Variants in GFRA1 observed in about 807,000 individuals in gnomAD.
GFRA1 encodes GDNF family receptor alpha-1.
Under a neutral mutation model 51.6 loss-of-function variants are expected in GFRA1, and 16 were observed. The ratio of observed to expected loss-of-function variants is 0.31; its 90% CI spans 0.21 to 0.47. GFRA1 has a LOEUF of 0.47. Ranked by LOEUF, GFRA1 falls within the 20% of genes least tolerant of loss-of-function variation. The pLI, the probability that GFRA1 is intolerant of heterozygous loss-of-function variation, is 1.00. For missense variants in GFRA1, 530 were observed against 594.3 expected (o/e 0.89, Z 1.13); for synonymous variants, 270 against 241.3 (o/e 1.12, Z -1.10).
intron 4 of GFRA1, among the ~76,000 whole-genome samples, chr10:116,232,190 A>G (rs191717226): frequency 2.0e-5 from 3 of 152,180 alleles, no homozygotes; most frequent in Admixed American, 2.0e-4. Context: ...TAAAACAAAC[A>G]TGTTAAAAAT....
At chr10:116,234,678 G>A (rs74936547) in intron 4 of GFRA1, among the ~76,000 whole-genome samples, 1 of 152,114 alleles carries the variant, frequency 6.6e-6, no homozygotes. Context: ...AGGGCTACTG[G>A]ACAGAGCTCT....
At chr10:116,066,270 CTCACTAG>C (rs1955109000) in intron 9 of GFRA1, among the ~76,000 whole-genome samples, 1 of 152,184 alleles carries the variant, frequency 6.6e-6, no homozygotes, top group South Asian at 2.1e-4. Context: ...GAGGAAACCA[CTCACTAG>C]TCACTGTTTA....
chr10:116,219,806 A>C (rs4611119), intron 4 of GFRA1, among the ~76,000 whole-genome samples: 55,488 of 152,082 alleles, frequency 0.36, 11,022 homozygotes, highest in African/African-American at 0.52. Flanking sequence ...ATGACGTAAC[A>C]CTACTACTGG....
At chr10:116,108,478 C>T (rs1380555359) in intron 6 of GFRA1, among the ~76,000 whole-genome samples, 3 of 152,226 alleles carry the variant, frequency 2.0e-5, no homozygotes, top group Non-Finnish European at 4.4e-5. Flanking sequence ...GTCAACAGCA[C>T]CTCAGCCCCA....
intron 5 of GFRA1, among the ~76,000 whole-genome samples, chr10:116,209,044 C>T (rs1011222547): frequency 2.0e-5 from 3 of 152,118 alleles, no homozygotes; most frequent in Admixed American, 6.5e-5. Context: ...TAGAAAGGCC[C>T]AGCTGCAAGC....
intron 4 of GFRA1, among the ~76,000 whole-genome samples, chr10:116,225,542 A>G (rs1205062627): frequency 1.1e-4 from 16 of 148,618 alleles, no homozygotes; most frequent in Non-Finnish European, 1.2e-4. Flanking sequence ...TCCAAAAAAA[A>G]AAAAAAAAAA....
intron 4 of GFRA1, among the ~76,000 whole-genome samples, chr10:116,244,634 C>A (rs1967719220): frequency 6.6e-6 from 1 of 151,636 alleles, no homozygotes; most frequent in African/African-American, 2.4e-5. Flanking sequence ...GGATTAGTGA[C>A]TAGGAGGACA....
At chr10:116,205,214 G>A (rs1407474377) in intron 5 of GFRA1, among the ~76,000 whole-genome samples, 1 of 152,088 alleles carries the variant, frequency 6.6e-6, no homozygotes, top group African/African-American at 2.4e-5. Context: ...GGAAATGTGT[G>A]CAAAATACTT....
chr10:116,067,725 C>T (rs1484682683), intron 9 of GFRA1, among the ~76,000 whole-genome samples: 1 of 152,130 alleles, frequency 6.6e-6, no homozygotes, highest in Non-Finnish European at 1.5e-5. Flanking sequence ...GTGGACTCGG[C>T]CTGCATAGGT....
At chr10:116,141,773 G>A (rs995342801) in intron 5 of GFRA1, among the ~76,000 whole-genome samples, 1 of 152,054 alleles carries the variant, frequency 6.6e-6, no homozygotes, top group African/African-American at 2.4e-5. Flanking sequence ...TAGTACAGAC[G>A]GGGTTTTGCC....
At chr10:116,086,202 G>GA (rs1956093419) in intron 9 of GFRA1, among the ~76,000 whole-genome samples, 1 of 152,134 alleles carries the variant, frequency 6.6e-6, no homozygotes, top group Non-Finnish European at 1.5e-5. Context: ...AGAAGGTTTT[G>GA]AAAAATAAAA....
At chr10:116,075,328 T>C (rs1427911163) in intron 9 of GFRA1, among the ~76,000 whole-genome samples, 1 of 152,184 alleles carries the variant, frequency 6.6e-6, no homozygotes, top group African/African-American at 2.4e-5. Flanking sequence ...CAGATGAATT[T>C]TGGGGTAAAG....
intron 5 of GFRA1, among the ~76,000 whole-genome samples, chr10:116,199,498 C>T (rs1238860087): frequency 2.0e-5 from 3 of 152,208 alleles, no homozygotes; most frequent in African/African-American, 7.2e-5. Flanking sequence ...AACACTCATA[C>T]TCCTACCCCC....
At chr10:116,079,147 T>C (rs1486857694) in intron 9 of GFRA1, among the ~76,000 whole-genome samples, 1 of 151,998 alleles carries the variant, frequency 6.6e-6, no homozygotes, top group Non-Finnish European at 1.5e-5. Flanking sequence ...CTCTCCTCCA[T>C]GTGAGGATAC....
chr10:116,256,621 G>T lies in GFRA1; in HGVS notation c.418+12882C>A, dbSNP rs374312205. On this transcript the variant is annotated intron_variant, in intron 4 of 10. Coordinates refer to ENST00000355422, the MANE Select transcript of GFRA1 (RefSeq NM_005264.8). Reference sequence around the variant, plus strand: ...CTCCCCATCCTCTCCCCTCAAGCAGGTGCTCCCTGGGGTGAGTGGGCACTG... The same window carrying T: ...CTCCCCATCCTCTCCCCTCAAGCAGTTGCTCCCTGGGGTGAGTGGGCACTG... Among the ~76,000 whole-genome samples the T allele has an allele frequency of 2.1e-4, 32 of 152,234 alleles. 1 individual carries two copies. The South Asian group carries it at 3.9e-3, about 19-fold the overall frequency.
chr10:116,271,198 G>A, intron 2 of GFRA1, 83 bp from the exon 3 acceptor site: 1 of 1,239,430 alleles, frequency 8.1e-7, no homozygotes, highest in Non-Finnish European at 1.1e-6. Flanking sequence ...GCGCGCCCGG[G>A]TCAGGGATGC....
intron 6 of GFRA1, among the ~76,000 whole-genome samples, chr10:116,113,010 C>T (rs1399909132): frequency 2.0e-5 from 3 of 152,188 alleles, no homozygotes; most frequent in Non-Finnish European, 2.9e-5. Context: ...GTTCTCAAAG[C>T]GAGGTCTAGG....
At chr10:116,065,529 A>G (rs760482344) in intron 10 of GFRA1, 44 bp downstream of exon 10, 3 of 1,516,254 alleles carry the variant, frequency 2.0e-6, no homozygotes, top group Admixed American at 3.3e-5. Flanking sequence ...CCCAAAGGCT[A>G]TGTTTCTATA....
chr10:116,178,300 G>GAGGGA (rs36018500), intron 5 of GFRA1, among the ~76,000 whole-genome samples: 1 of 41,202 alleles, frequency 2.4e-5, no homozygotes, highest in African/African-American at 1.5e-4. Context: ...ACAAGGGGCC[G>GAGGGA]GGGGGGCGTT....
Sources: allele counts gnomAD v4.1 joint callset (sites outside exome capture counted in the v4.1 genomes callset), GRCh38; gene constraint gnomAD v4.1.1; transcripts MANE v1.5; gene names NCBI Gene and HGNC (gene_info 2026-07-23, HGNC 2026-07-21).